SGCZ: variants seen among roughly 807,000 people sequenced by gnomAD.
The protein encoded by SGCZ is sarcoglycan zeta.
In SGCZ, 40 loss-of-function variants were observed where a neutral mutation model predicts 41.3. The observed-to-expected ratio is 0.97, with a 90% CI of 0.75 to 1.26. The LOEUF (loss-of-function observed/expected upper bound fraction) is 1.26, where lower values mean the gene tolerates loss of function less well. Ranked by LOEUF, SGCZ falls within the 50% of genes most tolerant of loss-of-function variation. The pLI, the probability that SGCZ is intolerant of heterozygous loss-of-function variation, is 0.00. For missense variants in SGCZ, 552 were observed against 369.8 expected (o/e 1.49, Z -4.04); for synonymous variants, 206 against 137.5 (o/e 1.50, Z -3.49).
At chr8:14,238,990 T>C (rs1157250146) in intron 3 of SGCZ, among the ~76,000 whole-genome samples, 1 of 151,698 alleles carries the variant, frequency 6.6e-6, no homozygotes, top group Non-Finnish European at 1.5e-5. Context: ...AAAATTCATA[T>C]AAAATTTTTA....
intron 6 of SGCZ, among the ~76,000 whole-genome samples, chr8:14,103,037 C>CTGAT (rs778914301): frequency 1.3e-5 from 2 of 152,076 alleles, no homozygotes; most frequent in Non-Finnish European, 2.9e-5. Flanking sequence ...CCTCTAGAAA[C>CTGAT]TGATTAAAAT....
At chr8:14,687,074 T>A (rs548948589) in intron 1 of SGCZ, among the ~76,000 whole-genome samples, 6 of 151,396 alleles carry the variant, frequency 4.0e-5, no homozygotes, top group African/African-American at 1.4e-4. Context: ...TTTGAAGATT[T>A]GTACATTTTA....
chr8:14,343,387 C>T (rs1185857946), intron 2 of SGCZ, among the ~76,000 whole-genome samples: 1 of 152,136 alleles, frequency 6.6e-6, no homozygotes, highest in Non-Finnish European at 1.5e-5. Flanking sequence ...TCAACACCAG[C>T]CTGTAACATT....
intron 2 of SGCZ, among the ~76,000 whole-genome samples, chr8:14,460,169 T>C (rs777599108): frequency 2.6e-5 from 4 of 152,204 alleles, no homozygotes; most frequent in Non-Finnish European, 5.9e-5. Context: ...TTGCTAACTT[T>C]GCAACTTTTC....
chr8:14,330,916 G>C (rs1320484598), intron 2 of SGCZ, among the ~76,000 whole-genome samples: 2 of 151,942 alleles, frequency 1.3e-5, no homozygotes, highest in Non-Finnish European at 2.9e-5. Context: ...GACTCCAAGA[G>C]CTGCAAGAGA....
chr8:15,082,456 G>GTGTA (rs1177729786), intron 1 of SGCZ, among the ~76,000 whole-genome samples: 1 of 151,056 alleles, frequency 6.6e-6, no homozygotes, highest in Non-Finnish European at 1.5e-5. Context: ...GTGTGTGTGT[G>GTGTA]TATAAAACTG....
chr8:14,621,136 TAG>T (rs1386545012), intron 1 of SGCZ, among the ~76,000 whole-genome samples: 3 of 151,828 alleles, frequency 2.0e-5, no homozygotes, highest in Non-Finnish European at 2.9e-5. Context: ...ATGTCCTTTG[TAG>T]GGACATGGAT....
At chr8:14,937,733 GT>G (rs1023824838) in intron 1 of SGCZ, among the ~76,000 whole-genome samples, 2 of 151,898 alleles carry the variant, frequency 1.3e-5, no homozygotes, top group Non-Finnish European at 2.9e-5. Context: ...TTTTCTGTAA[GT>G]TTTTTTGTCA....
intron 1 of SGCZ, among the ~76,000 whole-genome samples, chr8:14,689,773 A>G (rs982146181): frequency 6.6e-6 from 1 of 152,164 alleles, no homozygotes; most frequent in Non-Finnish European, 1.5e-5. Context: ...GTGGATATCT[A>G]TTAATACAAC....
chr8:15,142,901 T>C (rs542726894), intron 1 of SGCZ, among the ~76,000 whole-genome samples: 2 of 152,250 alleles, frequency 1.3e-5, no homozygotes, highest in Non-Finnish European at 2.9e-5. Context: ...TGAGCCACCG[T>C]GCCCAGCCAA....
At chr8:14,431,528 C>G (rs1053777346) in intron 2 of SGCZ, among the ~76,000 whole-genome samples, 1 of 152,118 alleles carries the variant, frequency 6.6e-6, no homozygotes, top group Admixed American at 6.5e-5. Flanking sequence ...TCACCTTATA[C>G]AAAAATCAAC....
chr8:14,588,484 T>G (rs1805133970), intron 1 of SGCZ, among the ~76,000 whole-genome samples: 1 of 152,120 alleles, frequency 6.6e-6, no homozygotes, highest in Non-Finnish European at 1.5e-5. Context: ...ATAACGATAA[T>G]TTAGTTCACT....
chr8:14,937,019 GT>G (rs1800104171), intron 1 of SGCZ, among the ~76,000 whole-genome samples: 1 of 151,728 alleles, frequency 6.6e-6, no homozygotes, highest in Admixed American at 6.6e-5. Flanking sequence ...ACCAAAGAGT[GT>G]GTACAGGAGA....
intron 2 of SGCZ, among the ~76,000 whole-genome samples, chr8:14,516,858 T>C (rs1802637188): frequency 2.0e-5 from 3 of 152,120 alleles, no homozygotes; most frequent in Admixed American, 2.0e-4. Flanking sequence ...TTTTTGTTGA[T>C]TATTGATAAC....
At chr8:14,971,014 T>A (rs1801277251) in intron 1 of SGCZ, among the ~76,000 whole-genome samples, 1 of 152,224 alleles carries the variant, frequency 6.6e-6, no homozygotes, top group African/African-American at 2.4e-5. Flanking sequence ...CTGTAAGTTT[T>A]GTCTCTAGGA....
At chr8:14,411,872 A>G (rs2117278571) in intron 2 of SGCZ, among the ~76,000 whole-genome samples, 1 of 152,240 alleles carries the variant, frequency 6.6e-6, no homozygotes, top group African/African-American at 2.4e-5. Flanking sequence ...ATTTGATGGA[A>G]CGGAAGGAGA....
intron 1 of SGCZ, among the ~76,000 whole-genome samples, chr8:15,128,567 G>A (rs1460973709): frequency 6.6e-6 from 1 of 152,108 alleles, no homozygotes; most frequent in East Asian, 1.9e-4. Flanking sequence ...CTGCTATTCT[G>A]CACTCTCTCA....
At chr8:14,622,390 C>A (rs1414632382) in intron 1 of SGCZ, among the ~76,000 whole-genome samples, 2 of 152,046 alleles carry the variant, frequency 1.3e-5, no homozygotes, top group Non-Finnish European at 2.9e-5. Flanking sequence ...TAATCTGGCC[C>A]AGAGTTTGAA....
At chr8:14,414,563 C>CA (rs1799445558) in intron 2 of SGCZ, among the ~76,000 whole-genome samples, 1 of 151,900 alleles carries the variant, frequency 6.6e-6, no homozygotes, top group South Asian at 2.1e-4. Context: ...AAAGTATTAA[C>CA]AAGTCATGGA....
Sources: gnomAD v4.1 joint callset for allele counts (sites outside exome capture counted in the v4.1 genomes callset) on GRCh38, gnomAD v4.1.1 for gene constraint, MANE v1.5 for transcripts, NCBI Gene and HGNC (gene_info 2026-07-23, HGNC 2026-07-21) for gene names.